The following C19orf18 variants were observed in gnomAD, a reference collection of about 807,000 sequenced individuals.
The protein encoded by C19orf18 is uncharacterized protein C19orf18.
Under a neutral mutation model 23.3 loss-of-function variants are expected in C19orf18, and 21 were observed. That is an observed-to-expected ratio of 0.90 (90% CI 0.64 to 1.30). The LOEUF is 1.30. Ranked by LOEUF, C19orf18 falls within the 50% of genes most tolerant of loss-of-function variation. C19orf18 has a pLI of 0.00. For missense variants in C19orf18, 249 were observed against 259.6 expected (o/e 0.96, Z 0.28); for synonymous variants, 96 against 95.2 (o/e 1.01, Z -0.05).
intron 3 of C19orf18, among the ~76,000 whole-genome samples, chr19:57,967,716 C>T (rs557456360): frequency 1.3e-5 from 2 of 151,476 alleles, no homozygotes; most frequent in African/African-American, 2.4e-5. Context: ...TGCGCCATTA[C>T]ACTCCAGCCT....
intron 4 of C19orf18, among the ~76,000 whole-genome samples, chr19:57,964,340 G>A (rs1233530231): frequency 6.6e-6 from 1 of 152,164 alleles, no homozygotes; most frequent in East Asian, 1.9e-4. Context: ...GAAGTGCAGT[G>A]GTGCAATCTC....
At chr19:57,972,832 G>T (rs2123237346) in intron 2 of C19orf18, among the ~76,000 whole-genome samples, 1 of 152,214 alleles carries the variant, frequency 6.6e-6, no homozygotes, top group Admixed American at 6.5e-5. Context: ...TAAGGACCTG[G>T]AGAGACTTAG....
chr19:57,959,039 A>G (rs980089145), intron 5 of C19orf18, among the ~76,000 whole-genome samples: 1 of 152,232 alleles, frequency 6.6e-6, no homozygotes, highest in Non-Finnish European at 1.5e-5. Flanking sequence ...AGTGAGCATC[A>G]GTGATCTCTC....
intron 2 of C19orf18, among the ~76,000 whole-genome samples, chr19:57,973,145 CAAAAAAAAAAAAAAAAAAAAAAA>C (rs61625681): frequency 3.3e-4 from 8 of 24,186 alleles, no homozygotes; most frequent in South Asian, 2.8e-3. Flanking sequence ...GACTCCGTCT[CAAAAAAAAAAAAAAAAAAAAAAA>C]AAAAAAAAAA....
intron 4 of C19orf18, among the ~76,000 whole-genome samples, chr19:57,965,121 A>ATTTATTTATTTAT (rs1555787186): frequency 1.3e-5 from 2 of 148,828 alleles, no homozygotes; most frequent in African/African-American, 4.9e-5. Flanking sequence ...TTTTTATTTT[A>ATTTATTTATTTAT]TTTATTTATT....
intron 3 of C19orf18, among the ~76,000 whole-genome samples, chr19:57,969,096 G>A (rs1395400551): frequency 6.6e-6 from 1 of 152,074 alleles, no homozygotes; most frequent in African/African-American, 2.4e-5. Context: ...CACTCCCTGT[G>A]CTTCCTGAGG....
In C19orf18 at chr19:57,973,145, C is replaced by CAAAAAAAAA. The variant is rs61625681; in HGVS notation, c.227-650_227-642dup. 8.3e-5 allele frequency among the ~76,000 whole-genome samples: 2 copies of CAAAAAAAAA among 24,186 alleles called. 1 individual carries two copies. The highest frequency in any genetic ancestry group is 1.5e-4 in the Non-Finnish European group (2 of 13,452). 15.9% of individuals were successfully genotyped at this position (24,186 alleles called of 152,430 possible). A position where few individuals can be genotyped will look rare whatever the true frequency, so the allele number is the denominator to read the frequency against. On this transcript the variant is annotated intron_variant, in intron 2 of 5. Coordinates refer to ENST00000314391, the MANE Select transcript of C19orf18 (RefSeq NM_152474.5). The stretch of plus-strand genomic sequence containing the variant: ...TGGGTGACAGAGTGAGACTCCGTCT[C>CAAAAAAAAA]AAAAAAAAAAAAAAAAAAAAAAAAA...
intron 5 of C19orf18, among the ~76,000 whole-genome samples, chr19:57,960,976 G>A (rs1363187820): frequency 1.3e-5 from 2 of 152,102 alleles, no homozygotes; most frequent in East Asian, 1.9e-4. Flanking sequence ...TCAGGAGATC[G>A]AGACCATCCT....
At chr19:57,973,831 A>G (rs1328461644) in intron 2 of C19orf18, among the ~76,000 whole-genome samples, 1 of 152,196 alleles carries the variant, frequency 6.6e-6, no homozygotes, top group Non-Finnish European at 1.5e-5. Context: ...TCAGACAGGC[A>G]TACCTGTGTA....
intron 3 of C19orf18, among the ~76,000 whole-genome samples, chr19:57,967,725 C>G (rs758019645): frequency 5.9e-4 from 89 of 151,338 alleles, no homozygotes; most frequent in Non-Finnish European, 1.0e-3. Context: ...ACACTCCAGC[C>G]TGGGTGACGG....
chr19:57,960,421 G>A lies in C19orf18; in HGVS notation c.532+970C>T, dbSNP rs1158110288. ...AGCCTGGGCAACAGAGCAAGACTCC[G>A]CCTCAAAAAAAAAAAAAAAAAAAAG... On this transcript the variant is annotated intron_variant, in intron 5 of 5. Transcript: ENST00000314391. Among the ~76,000 whole-genome samples the A allele has an allele frequency of 4.6e-3, 462 of 100,830 alleles. 2 individuals carry two copies. Among genetic ancestry groups the A allele is most frequent in the Non-Finnish European group, 4.7e-3 (247 of 52,866 alleles). The allele number at this position is 100,830 out of a possible 152,430, so 66.1% of individuals were successfully genotyped here.
chr19:57,969,585 A>AAAAAAAAAAC (rs2072931681), intron 3 of C19orf18, among the ~76,000 whole-genome samples: 2 of 140,460 alleles, frequency 1.4e-5, no homozygotes, highest in East Asian at 2.0e-4. Context: ...AAAAAAAAAA[A>AAAAAAAAAAC]AAAAAAAAAA....
chr19:57,971,903 G>A (rs971101460), intron 3 of C19orf18, among the ~76,000 whole-genome samples: 7 of 152,270 alleles, frequency 4.6e-5, no homozygotes, highest in Middle Eastern at 3.4e-3. Context: ...AGTCATTTCT[G>A]TGTCTGCATG....
chr19:57,963,603 C>T (rs1056577003), intron 4 of C19orf18, among the ~76,000 whole-genome samples: 2 of 151,964 alleles, frequency 1.3e-5, no homozygotes, highest in African/African-American at 4.8e-5. Flanking sequence ...AATATTTTAT[C>T]TAGGCCAAGC....
At chr19:57,962,494 G>C (rs2072880311) in intron 4 of C19orf18, among the ~76,000 whole-genome samples, 1 of 152,164 alleles carries the variant, frequency 6.6e-6, no homozygotes, top group Non-Finnish European at 1.5e-5. Flanking sequence ...TGTTTGGTGT[G>C]GAAATGGATG....
chr19:57,964,083 T>C (rs499779), intron 4 of C19orf18, among the ~76,000 whole-genome samples: 59,422 of 151,750 alleles, frequency 0.39, 12,011 homozygotes, highest in East Asian at 0.63. Flanking sequence ...TTTGTTTGTT[T>C]TCGTTTTGGT....
At chr19:57,961,614 C>A in intron 4 of C19orf18, 63 bp from the exon 5 acceptor site, 1 of 1,570,580 alleles carries the variant, frequency 6.4e-7, no homozygotes, top group African/African-American at 1.4e-5. Context: ...CATTTCTCAA[C>A]CATGCCACTT....
chr19:57,967,947 G>A (rs1423106346), intron 3 of C19orf18, among the ~76,000 whole-genome samples: 4 of 152,194 alleles, frequency 2.6e-5, no homozygotes, highest in Non-Finnish European at 4.4e-5. Flanking sequence ...AGGAGGTGGA[G>A]GTTGCAGTGA....
At chr19:57,969,566 G>GAAAAAAAAAAAAAAAAA (rs59100128) in intron 3 of C19orf18, among the ~76,000 whole-genome samples, 18 of 46,498 alleles carry the variant, frequency 3.9e-4, no homozygotes, top group South Asian at 1.5e-3. Flanking sequence ...AAAAAAAACA[G>GAAAAAAAAAAAAAAAAA]AAAAAAAAAA....
Sources: allele counts gnomAD v4.1 joint callset (sites outside exome capture counted in the v4.1 genomes callset), GRCh38; gene constraint gnomAD v4.1.1; transcripts MANE v1.5; gene names NCBI Gene and HGNC (gene_info 2026-07-23, HGNC 2026-07-21).